BIVM: variants seen among roughly 807,000 people sequenced by gnomAD.
The protein encoded by BIVM is basic, immunoglobulin-like variable motif containing.
BIVM carries 31 observed loss-of-function variants against 61.4 expected under a neutral mutation model. The observed-to-expected ratio is 0.51, with a 90% CI of 0.38 to 0.68. BIVM has a LOEUF of 0.68. BIVM is among the 30% of genes least tolerant of loss of function. BIVM has a pLI of 0.00. For missense variants in BIVM, 526 were observed against 596.0 expected (o/e 0.88, Z 1.22); for synonymous variants, 189 against 210.7 (o/e 0.90, Z 0.89).
chr13:102,816,378 A>T lies in BIVM; in HGVS notation c.479-50A>T, dbSNP rs201821425. 32 of 1,466,224 alleles carry T rather than the reference A, an allele frequency of 2.2e-5. No individual in the cohort carries two copies. In the Admixed American group the frequency reaches 4.9e-4, roughly 23 times the overall value. The allele number at this position is 1,466,224 out of a possible 1,614,324, so 90.8% of individuals were successfully genotyped here. ...GTGCATAATTAATTTTTGTCATTTC[A>T]GTTTACTTCATCTTAAGCATTTTGC... On this transcript the variant is annotated intron_variant, in intron 3 of 10. Transcript: ENST00000257336.
At chr13:102,812,736 C>CA (rs1879585939) in intron 3 of BIVM, among the ~76,000 whole-genome samples, 1 of 152,008 alleles carries the variant, frequency 6.6e-6, no homozygotes, top group Non-Finnish European at 1.5e-5. Context: ...AAAAACAGAA[C>CA]AAAAAAACCA....
chr13:102,832,460 C>G (rs183134374), intron 8 of BIVM, among the ~76,000 whole-genome samples: 143 of 152,276 alleles, frequency 9.4e-4, no homozygotes, highest in African/African-American at 3.2e-3. Flanking sequence ...CCTGGGCCTC[C>G]CAAAGTGCTG....
At chr13:102,815,383 T>C (rs1488138477) in intron 3 of BIVM, among the ~76,000 whole-genome samples, 1 of 152,206 alleles carries the variant, frequency 6.6e-6, no homozygotes, top group Non-Finnish European at 1.5e-5. Context: ...TTAAAGTATT[T>C]GAGCATAGCT....
intron 3 of BIVM, among the ~76,000 whole-genome samples, chr13:102,809,997 C>T (rs1015328579): frequency 5.3e-5 from 8 of 152,016 alleles, no homozygotes; most frequent in African/African-American, 1.7e-4. Flanking sequence ...GTGGTCTCGA[C>T]CTCCTGACCT....
chr13:102,834,228 A>G (rs1169784534), intron 8 of BIVM, among the ~76,000 whole-genome samples: 1 of 152,186 alleles, frequency 6.6e-6, no homozygotes, highest in Non-Finnish European at 1.5e-5. Flanking sequence ...TAGAGGTGGT[A>G]TATTAAAACA....
rs138358886 is a variant in BIVM, at chr13:102,813,235, T to G, written c.479-3193T>G. Among the ~76,000 whole-genome samples, 76 of 152,338 alleles carry G rather than the reference T, an allele frequency of 5.0e-4. 1 individual carries two copies. The East Asian group carries it at 0.014, about 28-fold the overall frequency. Reference sequence around the variant, plus strand: ...TGTAATTTGAAGCTCTGTTATTAAGTTCACATACATTTATGAGATTTAGGC... The same window carrying G: ...TGTAATTTGAAGCTCTGTTATTAAGGTCACATACATTTATGAGATTTAGGC... On this transcript the variant is annotated intron_variant, in intron 3 of 10. Coordinates refer to ENST00000257336, the MANE Select transcript of BIVM (RefSeq NM_017693.4).
Position 102,834,458 on chromosome 13 carries a change from A to G in BIVM, c.1035-8A>G. ...ATTAAACGTACTGTGAATGTATTTT[A>G]TATTTAGCAGGGGACCTCTCTCACC... On this transcript the variant is annotated splice_polypyrimidine_tract_variant and splice_region_variant and intron_variant, in intron 8 of 10. Coordinates refer to ENST00000257336, the MANE Select transcript of BIVM (RefSeq NM_017693.4). 2 of 1,592,140 alleles carry G rather than the reference A, an allele frequency of 1.3e-6. No homozygotes were observed. The highest frequency in any genetic ancestry group is 1.7e-6 in the Non-Finnish European group (2 of 1,173,276).
intron 1 of BIVM, among the ~76,000 whole-genome samples, chr13:102,802,735 T>C (rs1030324361): frequency 1.3e-5 from 2 of 148,468 alleles, no homozygotes; most frequent in Non-Finnish European, 3.0e-5. Flanking sequence ...GTTACTTTTT[T>C]CTCTCTTTCC....
At chr13:102,800,950 T>A (rs1878721480) in intron 1 of BIVM, among the ~76,000 whole-genome samples, 1 of 152,230 alleles carries the variant, frequency 6.6e-6, no homozygotes, top group Admixed American at 6.5e-5. Context: ...CTGAAGAGGT[T>A]TTTAGAGATG....
At chr13:102,800,430 C>A (rs1338118713) in intron 1 of BIVM, 1 of 152,240 alleles carries the variant, frequency 6.6e-6, no homozygotes, top group African/African-American at 2.4e-5. Flanking sequence ...GCTGGGGACT[C>A]GGGGTGCCCG....
intron 8 of BIVM, 145 bp from the exon 9 acceptor site, chr13:102,834,321 C>T (rs1299651898): frequency 1.1e-5 from 7 of 657,404 alleles, no homozygotes; most frequent in Non-Finnish European, 1.2e-5. Context: ...TAGAAATTTG[C>T]CCTCACCTAA....
chr13:102,825,766 C>T (rs2140484454), intron 7 of BIVM, among the ~76,000 whole-genome samples: 1 of 152,288 alleles, frequency 6.6e-6, no homozygotes, highest in South Asian at 2.1e-4. Context: ...TCCTGGACTT[C>T]AGCGTAACAA....
At chr13:102,822,185 A>C (rs1317142487) in intron 7 of BIVM, 26 bp downstream of exon 7, 1 of 1,577,990 alleles carries the variant, frequency 6.3e-7, no homozygotes, top group Non-Finnish European at 8.7e-7. Flanking sequence ...GAAGATTTAC[A>C]TACACACATA....
chr13:102,802,200 C>T (rs1050641558), intron 1 of BIVM, among the ~76,000 whole-genome samples: 3 of 151,672 alleles, frequency 2.0e-5, no homozygotes, highest in Non-Finnish European at 4.4e-5. Flanking sequence ...AAAACAGTGA[C>T]AGCTGCAGCC....
intron 3 of BIVM, among the ~76,000 whole-genome samples, chr13:102,809,914 T>G (rs1428436423): frequency 2.6e-5 from 4 of 151,744 alleles, no homozygotes; most frequent in Non-Finnish European, 4.4e-5. Flanking sequence ...GCCTCCCGAG[T>G]ACCTGGGACT....
intron 3 of BIVM, among the ~76,000 whole-genome samples, chr13:102,810,462 G>C (rs1222214413): frequency 6.6e-6 from 1 of 152,210 alleles, no homozygotes; most frequent in Non-Finnish European, 1.5e-5. Context: ...TCTATGTTTT[G>C]AGTGGAGAAT....
At chr13:102,829,700 G>A (rs912238258) in intron 7 of BIVM, among the ~76,000 whole-genome samples, 6 of 151,916 alleles carry the variant, frequency 3.9e-5, no homozygotes, top group East Asian at 1.9e-4. Flanking sequence ...TTAGCTGGGC[G>A]TGGTGGTGAG....
chr13:102,839,991 C>T lies in BIVM; in HGVS notation c.*126C>T. 9.8e-7 allele frequency: 1 copy of T among 1,021,448 alleles called. No homozygotes were observed. Among genetic ancestry groups the T allele is most frequent in the South Asian group, 1.7e-5 (1 of 58,576 alleles). 63.3% of individuals were successfully genotyped at this position (1,021,448 alleles called of 1,614,324 possible). ...GCAGATCTTGTGGTATAAAAAATAA[C>T]CTTGTAGTTCTCCAGATACTAAGCT... On this transcript the variant is annotated 3_prime_UTR_variant, in exon 11 of 11. Coordinates refer to ENST00000257336, the MANE Select transcript of BIVM (RefSeq NM_017693.4).
At chr13:102,803,066 T>C (rs1290598053) in intron 1 of BIVM, among the ~76,000 whole-genome samples, 1 of 150,906 alleles carries the variant, frequency 6.6e-6, no homozygotes, top group Admixed American at 6.6e-5. Context: ...CTTGTGCCTG[T>C]AATGCCAGCA....
Sources: gnomAD v4.1 joint callset for allele counts (sites outside exome capture counted in the v4.1 genomes callset) on GRCh38, gnomAD v4.1.1 for gene constraint, MANE v1.5 for transcripts, NCBI Gene and HGNC (gene_info 2026-07-23, HGNC 2026-07-21) for gene names.